The following NPIPB11 variants were observed in gnomAD, a reference collection of about 807,000 sequenced individuals.
NPIPB11 encodes the protein nuclear pore complex interacting protein family member B11.
NPIPB11 carries 17 observed loss-of-function variants against 32.8 expected under a neutral mutation model. The ratio of observed to expected loss-of-function variants is 0.52; its 90% confidence interval spans 0.35 to 0.78. NPIPB11 has a LOEUF of 0.78. Ranked by LOEUF, NPIPB11 falls within the 30% of genes least tolerant of loss-of-function variation. The pLI, the probability that NPIPB11 is intolerant of heterozygous loss-of-function variation, is 0.01. For missense variants in NPIPB11, 537 were observed against 1,000.4 expected, an observed-to-expected ratio of 0.54 and a Z score of 6.25; for synonymous variants, 209 against 398.4, an observed-to-expected ratio of 0.52 and a Z score of 5.66.
chr16:29,400,081 CA>C (rs952135402), intron 2 of NPIPB11, among the ~76,000 whole-genome samples: 1 of 148,916 alleles, frequency 6.7e-6, no homozygotes, highest in African/African-American at 2.5e-5. Context: ...GACTCTGTCT[CA>C]AAAAAAAAGA....
chr16:29,401,323 A>G (rs1963986250), intron 2 of NPIPB11, among the ~76,000 whole-genome samples: 1 of 152,116 alleles, frequency 6.6e-6, no homozygotes, highest in Admixed American at 6.5e-5. Flanking sequence ...CCTCAAAACT[A>G]TCATCTGGGG....
At chr16:29,392,195 G>T (rs949690301) in intron 3 of NPIPB11, among the ~76,000 whole-genome samples, 2 of 152,102 alleles carry the variant, frequency 1.3e-5, no homozygotes, top group Non-Finnish European at 2.9e-5. Context: ...AAAGGTAGCT[G>T]GCCCAGTTTG....
intron 2 of NPIPB11, among the ~76,000 whole-genome samples, chr16:29,400,121 T>C (rs1371678397): frequency 6.6e-6 from 1 of 151,132 alleles, no homozygotes; most frequent in Non-Finnish European, 1.5e-5. Flanking sequence ...GTGTTGGTTG[T>C]AAAAGGAGAG....
chr16:29,402,990 T>G (rs530024865), intron 2 of NPIPB11, among the ~76,000 whole-genome samples: 15 of 150,952 alleles, frequency 9.9e-5, no homozygotes, highest in Middle Eastern at 3.4e-3. Context: ...AACATATATA[T>G]GTACTATAGA....
chr16:29,391,067 G>T (rs1307561482), intron 3 of NPIPB11, among the ~76,000 whole-genome samples: 2 of 149,938 alleles, frequency 1.3e-5, no homozygotes, highest in Non-Finnish European at 1.5e-5. Context: ...AAGAGATGGA[G>T]ACCATCCTGG....
intron 2 of NPIPB11, among the ~76,000 whole-genome samples, chr16:29,402,966 A>G (rs912652654): frequency 6.7e-6 from 1 of 149,954 alleles, no homozygotes; most frequent in Non-Finnish European, 1.5e-5. Flanking sequence ...TAATTCTTTT[A>G]TTCAAAATTA....
At chr16:29,391,119 T>A (rs2142125775) in intron 3 of NPIPB11, among the ~76,000 whole-genome samples, 1 of 146,056 alleles carries the variant, frequency 6.8e-6, no homozygotes, top group Admixed American at 6.8e-5. Flanking sequence ...ATACAAAAAT[T>A]AGCTGAGCAT....
chr16:29,394,353 A>G (rs1485750154), intron 2 of NPIPB11, among the ~76,000 whole-genome samples: 1 of 151,798 alleles, frequency 6.6e-6, no homozygotes, highest in Non-Finnish European at 1.5e-5. Flanking sequence ...GCCTATATTA[A>G]AAGAAGCAAA....
intron 2 of NPIPB11, among the ~76,000 whole-genome samples, chr16:29,402,910 G>A (rs1964031274): frequency 7.3e-6 from 1 of 136,782 alleles, no homozygotes; most frequent in Non-Finnish European, 1.5e-5. Context: ...AAATGAAGGA[G>A]AATAAAAAAT....
intron 2 of NPIPB11, among the ~76,000 whole-genome samples, chr16:29,399,853 C>T (rs991276000): frequency 2.9e-4 from 44 of 151,916 alleles, no homozygotes; most frequent in African/African-American, 5.1e-4. Context: ...CTGAGGCAGG[C>T]GCATCACGAG....
exon 8 of NPIPB11, chr16:29,384,233 G>A (rs777558366): frequency 1.7e-6 from 2 of 1,148,134 alleles, no homozygotes; most frequent in South Asian, 2.8e-5. Context: ...CAGCTGTGAG[G>A]TAGGGCCAGT....
chr16:29,397,789 A>G (rs1379023112), intron 2 of NPIPB11: 152 of 90,422 alleles, frequency 1.7e-3, no homozygotes, highest in Admixed American at 2.5e-3. Flanking sequence ...AGGGGAGGGG[A>G]AGGGGGGAAG....
At chr16:29,398,837 G>A (rs1596682193) in intron 2 of NPIPB11, among the ~76,000 whole-genome samples, 1 of 152,042 alleles carries the variant, frequency 6.6e-6, no homozygotes, top group East Asian at 1.9e-4. Flanking sequence ...AAGGTTGTGT[G>A]ATCTCAAATC....
At position 29,382,993 on chromosome 16, in the gene NPIPB11, C is replaced by T. The variant is rs767399342; in HGVS notation, c.1939G>A (p.Val647Ile). 60 of 1,601,600 alleles carry T rather than the reference C, an allele frequency of 3.7e-5. 1 individual carries two copies. Among genetic ancestry groups the T allele is most frequent in the African/African-American group, 8.4e-5 (6 of 71,266 alleles). ...TGAGGGTGGAAGGGGAGTGAGCTGA[C>T]GCTCGGAAGGTGTCTTGAGATTATC... is the stretch of plus-strand genomic sequence containing the variant. Residue 647 changes from valine (V) to isoleucine (I), a missense_variant, in exon 8 of 8, where the codon GTC (valine) becomes ATC (isoleucine). Transcript: ENST00000524087.
At chr16:29,399,995 T>G (rs1963951142) in intron 2 of NPIPB11, among the ~76,000 whole-genome samples, 1 of 151,712 alleles carries the variant, frequency 6.6e-6, no homozygotes, top group Non-Finnish European at 1.5e-5. Flanking sequence ...GACAATCCCT[T>G]GAACCCAGGA....
At chr16:29,402,718 C>CTGTG (rs1207937203) in intron 2 of NPIPB11, among the ~76,000 whole-genome samples, 10 of 124,974 alleles carry the variant, frequency 8.0e-5, no homozygotes, top group Admixed American at 5.6e-4. Context: ...CTCTCTCTCT[C>CTGTG]TCTCTCTGTG....
chr16:29,397,572 AT>A, intron 2 of NPIPB11: 1 of 1,520,640 alleles, frequency 6.6e-7, no homozygotes, highest in Non-Finnish European at 8.9e-7. Flanking sequence ...ACTCACACGG[AT>A]GCACTGATGG....
intron 2 of NPIPB11, among the ~76,000 whole-genome samples, chr16:29,400,106 C>CG (rs1963954186): frequency 6.6e-6 from 1 of 151,434 alleles, no homozygotes; most frequent in African/African-American, 2.4e-5. Context: ...CCTCGGATTT[C>CG]GGTTGTGTTG....
At chr16:29,393,276 G>GT (rs1963766560) in intron 3 of NPIPB11, among the ~76,000 whole-genome samples, 1 of 151,642 alleles carries the variant, frequency 6.6e-6, no homozygotes, top group Admixed American at 6.6e-5. Flanking sequence ...ACGCAGAGCA[G>GT]TTCTGCCCTT....
Sources: gnomAD v4.1 joint callset for allele counts (sites outside exome capture counted in the v4.1 genomes callset) on GRCh38, gnomAD v4.1.1 for gene constraint, MANE v1.5 for transcripts, NCBI Gene and HGNC (gene_info 2026-07-23, HGNC 2026-07-21) for gene names.